Variants in ABCF1 observed in about 807,000 individuals in gnomAD.
ABCF1 encodes ATP-binding cassette sub-family F member 1.
ABCF1 carries 73 observed loss-of-function variants against 126.3 expected under a neutral mutation model. The ratio of observed to expected loss-of-function variants is 0.58; its 90% CI spans 0.48 to 0.70. The LOEUF (loss-of-function observed/expected upper bound fraction) is 0.70. Ranked by LOEUF, ABCF1 falls within the 30% of genes least tolerant of loss-of-function variation. The pLI, the probability that ABCF1 is intolerant of heterozygous loss-of-function variation, is 0.00. For synonymous variants in ABCF1, 345 were observed against 396.4 expected (o/e 0.87, Z 1.54); for missense variants, 786 against 1,057.5 (o/e 0.74, Z 3.56).
rs577258116 is a variant in ABCF1, at chr6:30,584,391, C to T, written c.1243-27C>T. 3.2e-5 allele frequency: 52 copies of T among 1,613,100 alleles called. No individual in the cohort carries two copies. The highest frequency in any genetic ancestry group is 5.3e-5 in the African/African-American group (4 of 75,038). On this transcript the variant is annotated intron_variant, in intron 13 of 24. Coordinates refer to ENST00000326195, the MANE Select transcript of ABCF1 (RefSeq NM_001025091.2). The surrounding 1 kb of genome is among the most constrained non-coding windows in gnomAD (Gnocchi z 4.6). ...CTTGGGGGTTCCTGGGACCCTCAGACGTGTGTCCTCTTCTCCCTCCTCCCA... is the reference window on the plus strand; with the variant it reads ...CTTGGGGGTTCCTGGGACCCTCAGATGTGTGTCCTCTTCTCCCTCCTCCCA...
chr6:30,578,605 C>T, intron 6 of ABCF1, 28 bp downstream of exon 6: 2 of 1,589,510 alleles, frequency 1.3e-6, no homozygotes, highest in Non-Finnish European at 1.7e-6. Context: ...ATCAGTCACT[C>T]TCACTCCATT....
intron 1 of ABCF1, 98 bp downstream of exon 1, chr6:30,571,658 C>A: frequency 1.5e-6 from 2 of 1,370,068 alleles, no homozygotes; most frequent in Non-Finnish European, 2.0e-6. Flanking sequence ...ACTGACCGGG[C>A]CCCTGCGGGA....
chr6:30,585,375 A>G (rs906047389), intron 15 of ABCF1, 32 bp downstream of exon 15: 2 of 1,606,072 alleles, frequency 1.2e-6, no homozygotes, highest in African/African-American at 1.3e-5. Flanking sequence ...ATTGGTTCCC[A>G]TTCTGCACTT....
At chr6:30,577,692 AAAAG>A (rs1434224198) in intron 2 of ABCF1, 122 bp from the exon 3 acceptor site, 39 of 1,052,856 alleles carry the variant, frequency 3.7e-5, no homozygotes, top group African/African-American at 1.6e-5. Context: ...AAAAAGAAAA[AAAAG>A]AGAGAGACAG....
In ABCF1 at chr6:30,583,882, G is replaced by T; in HGVS notation, c.1094G>T (p.Cys365Phe). 6.2e-7 allele frequency: 1 copy of T among 1,613,870 alleles called. No individual in the cohort carries two copies. The highest frequency in any genetic ancestry group is 8.5e-7 in the Non-Finnish European group (1 of 1,179,960). The change falls in exon 12 of 25, where the codon TGT (cysteine) becomes TTT (phenylalanine). Residue 365 changes from cysteine to phenylalanine, a missense_variant. Physicochemically the swap from Cys to Phe is radical, Grantham distance 205. Coordinates refer to ENST00000326195, the MANE Select transcript of ABCF1 (RefSeq NM_001025091.2). The surrounding 1 kb of genome is among the most constrained non-coding windows in gnomAD (Gnocchi z 4.1). ...CCTCCCAACATTGATGTGTTGCTGT[G>T]TGAGCAGGGTGAGACCACTGGGGAG... is the stretch of plus-strand genomic sequence containing the variant. ...SIPPNIDVLL[C>F]EQEVVADETP... is the part of the protein sequence containing the mutation.
chr6:30,576,158 T>G (rs971183300), intron 1 of ABCF1, among the ~76,000 whole-genome samples: 3 of 151,032 alleles, frequency 2.0e-5, no homozygotes, highest in African/African-American at 7.3e-5. Context: ...ATTGAATTTA[T>G]AATATCTTCT....
rs1802417996 is a variant in ABCF1 at position 30,590,852 on chromosome 6, G to A, written c.*151G>A. 1 of 754,972 alleles carries A rather than the reference G, an allele frequency of 1.3e-6. No homozygotes were observed. Among genetic ancestry groups the A allele is most frequent in the Non-Finnish European group, 2.1e-6 (1 of 482,094 alleles). The allele number at this position is 754,972 out of a possible 1,614,324, so 46.8% of individuals were successfully genotyped here. A position where few individuals can be genotyped will look rare whatever the true frequency, so the allele number is the denominator to read the frequency against. ...GTGGAGTGTGACCTTGATGTGACCG[G>A]GATCCCACTCTGATTGCATCCATTT... On this transcript the variant is annotated 3_prime_UTR_variant, in exon 25 of 25. Transcript: ENST00000326195.
chr6:30,584,146 C>T lies in ABCF1; in HGVS notation c.1103-46C>T, dbSNP rs1373741484. ...TAATTGAAGGGAAAGAAAGATGAGA[C>T]TCTTGGCTCTTGAGGCTGCCTGACT... On this transcript the variant is annotated intron_variant, in intron 12 of 24. Coordinates refer to ENST00000326195, the MANE Select transcript of ABCF1 (RefSeq NM_001025091.2). The surrounding 1 kb of genome is among the most constrained non-coding windows in gnomAD (Gnocchi z 4.6). The T allele has an allele frequency of 6.3e-7, 1 of 1,583,894 alleles. No homozygotes were observed. Among genetic ancestry groups the T allele is most frequent in the Non-Finnish European group, 8.6e-7 (1 of 1,167,006 alleles).
intron 24 of ABCF1, 61 bp from the exon 25 acceptor site, chr6:30,590,474 G>A (rs144154469): frequency 1.9e-6 from 3 of 1,580,340 alleles, no homozygotes; most frequent in East Asian, 4.5e-5. Context: ...CTTATTTCAT[G>A]TTCTGATTCC....
Position 30,590,394 on chromosome 6 carries a change from G to A in ABCF1, c.2371+16G>A. The A allele has an allele frequency of 1.2e-6, 2 of 1,600,752 alleles. No homozygotes were observed. Among genetic ancestry groups the A allele is most frequent in the Non-Finnish European group, 1.7e-6 (2 of 1,173,118 alleles). On this transcript the variant is annotated intron_variant, in intron 24 of 24. Transcript: ENST00000326195. Reference sequence around the variant, plus strand: ...TACAAGGGTGGTAAGTCAGCTGAGAGTGTGCCCTCATCCCTGCTCCATGGG... The same window carrying A: ...TACAAGGGTGGTAAGTCAGCTGAGAATGTGCCCTCATCCCTGCTCCATGGG...
chr6:30,588,471 C>T (rs1582600975), intron 20 of ABCF1, among the ~76,000 whole-genome samples: 2 of 152,196 alleles, frequency 1.3e-5, no homozygotes, highest in Middle Eastern at 3.4e-3. Context: ...ACGCGATTCT[C>T]CTGCCTTAGC....
chr6:30,572,764 G>C (rs1239502736), intron 1 of ABCF1, among the ~76,000 whole-genome samples: 1 of 152,202 alleles, frequency 6.6e-6, no homozygotes, highest in Admixed American at 6.5e-5. Context: ...GCCTCCAAAA[G>C]TGCTGGGATT....
intron 1 of ABCF1, among the ~76,000 whole-genome samples, chr6:30,575,133 G>C (rs953342494): frequency 7.4e-5 from 11 of 148,374 alleles, no homozygotes; most frequent in African/African-American, 2.5e-4. Flanking sequence ...GCAGTGGCGC[G>C]ATCTTGGCTC....
Position 30,586,078 on chromosome 6 carries a change from A to G in ABCF1, c.1714-56A>G. 4 of 1,596,094 alleles carry G rather than the reference A, an allele frequency of 2.5e-6. No individual in the cohort carries two copies. The highest frequency in any genetic ancestry group is 1.1e-5 in the South Asian group (1 of 89,024). ...AGGAGACTCTGGAACGCTGGCCTAC[A>G]TTTCAAGGACTGCCGCGCAGGGCTC... On this transcript the variant is annotated intron_variant, in intron 17 of 24. Transcript: ENST00000326195. This position sits in a 1 kb window ranked among gnomAD's most constrained non-coding sequence, Gnocchi z 4.9.
At chr6:30,590,015 C>A in intron 22 of ABCF1, 41 bp downstream of exon 22, 1 of 1,608,154 alleles carries the variant, frequency 6.2e-7, no homozygotes. Context: ...TTCACCTTAT[C>A]ATTCATGTCT....
chr6:30,589,900 A>AG lies in ABCF1; in HGVS notation c.2161dup (p.Asp721GlyfsTer35). ...CAGCGGGGCTTCAACCTGCCCTACC[A>AG]GGATGCCCGCAAGTGCCTGGGCCGC... On this transcript the variant is annotated frameshift_variant, in exon 22 of 25. Transcript: ENST00000326195. LOFTEE classifies it high-confidence loss of function. The AG allele has an allele frequency of 6.2e-7, 1 of 1,614,210 alleles. No individual in the cohort carries two copies. Among genetic ancestry groups the AG allele is most frequent in the South Asian group, 1.1e-5 (1 of 91,084 alleles).
chr6:30,588,607 C>T (rs1291811698), intron 20 of ABCF1, among the ~76,000 whole-genome samples: 4 of 152,020 alleles, frequency 2.6e-5, no homozygotes, highest in African/African-American at 9.7e-5. Flanking sequence ...GATCTGCCTG[C>T]GTCGGCCTCC....
rs551183199 is a variant in ABCF1 at position 30,586,444 on chromosome 6, A to G, written c.1886-30A>G. On this transcript the variant is annotated intron_variant, in intron 18 of 24. Coordinates refer to ENST00000326195, the MANE Select transcript of ABCF1 (RefSeq NM_001025091.2). This position sits in a 1 kb window ranked among gnomAD's most constrained non-coding sequence, Gnocchi z 4.9. The stretch of plus-strand genomic sequence containing the variant: ...AGGGACTTTGCAGGGACTGAAAAGA[A>G]TATAAATTGCTTCTTTTCGTGGCTT... The G allele has an allele frequency of 6.2e-7, 1 of 1,613,496 alleles. No homozygotes were observed. Among genetic ancestry groups the G allele is most frequent in the African/African-American group, 1.3e-5 (1 of 75,044 alleles).
rs757846878 is a variant in ABCF1, at chr6:30,583,770, G to T, written c.1017-35G>T. 5 of 1,613,698 alleles carry T rather than the reference G, an allele frequency of 3.1e-6. No homozygotes were observed. The highest frequency in any genetic ancestry group is 3.4e-6 in the Non-Finnish European group (4 of 1,179,678). ...TGGAGGGAAAAGAAGAGATTTCTCA[G>T]TGGTGGCCAGGTCCTAATAGCTTTT... On this transcript the variant is annotated intron_variant, in intron 11 of 24. Coordinates refer to ENST00000326195, the MANE Select transcript of ABCF1 (RefSeq NM_001025091.2). The surrounding 1 kb of genome is among the most constrained non-coding windows in gnomAD (Gnocchi z 4.1).
Sources: gnomAD v4.1 joint callset for allele counts (sites outside exome capture counted in the v4.1 genomes callset) on GRCh38, gnomAD v4.1.1 for gene constraint, Gnocchi (gnomAD v3.1) non-coding constraint, MANE v1.5 for transcripts, NCBI Gene and HGNC (gene_info 2026-07-23, HGNC 2026-07-21) for gene names.